The following PXDNL variants were observed in gnomAD, a reference collection of about 807,000 sequenced individuals.
The protein encoded by PXDNL is probable oxidoreductase PXDNL.
A neutral mutation model predicts 150.8 loss-of-function variants in PXDNL; 145 were observed. The observed-to-expected ratio is 0.96, with a 90% CI of 0.84 to 1.10. The LOEUF (loss-of-function observed/expected upper bound fraction) is 1.10. Ranked by LOEUF, PXDNL falls within the 50% of genes least tolerant of loss-of-function variation. The probability of loss-of-function intolerance (pLI) is 0.00; values close to 1 mark genes in which losing one functional copy is unlikely to be tolerated. For synonymous variants in PXDNL, 757 were observed against 725.7 expected (o/e 1.04, Z -0.69); for missense variants, 2,087 against 1,873.9 (o/e 1.11, Z -2.10).
chr8:51,781,248 C>T (rs927728611), intron 1 of PXDNL, among the ~76,000 whole-genome samples: 3 of 152,094 alleles, frequency 2.0e-5, no homozygotes, highest in Non-Finnish European at 2.9e-5. Context: ...AGTGAAAAAG[C>T]GGAGAGGAAG....
intron 1 of PXDNL, among the ~76,000 whole-genome samples, chr8:51,739,068 A>C: frequency 6.6e-6 from 1 of 152,226 alleles, no homozygotes; most frequent in East Asian, 1.9e-4. Context: ...ATTTATTTCA[A>C]GTGCACAGGC....
intron 20 of PXDNL, among the ~76,000 whole-genome samples, chr8:51,342,413 T>A (rs1806014682): frequency 6.6e-6 from 1 of 152,030 alleles, no homozygotes; most frequent in Non-Finnish European, 1.5e-5. Context: ...TAGAAAAAAA[T>A]TGTTTAAGCA....
intron 21 of PXDNL, among the ~76,000 whole-genome samples, chr8:51,328,698 T>G (rs926622384): frequency 6.6e-6 from 1 of 151,994 alleles, no homozygotes; most frequent in Non-Finnish European, 1.5e-5. Flanking sequence ...CAGGGCAATA[T>G]AAAAAATGTG....
chr8:51,329,653 A>G (rs1464697087), intron 21 of PXDNL, among the ~76,000 whole-genome samples: 1 of 152,254 alleles, frequency 6.6e-6, no homozygotes, highest in Non-Finnish European at 1.5e-5. Context: ...GGCAACATTC[A>G]GGAAAACATG....
chr8:51,368,819 A>T (rs1282010493), intron 19 of PXDNL, among the ~76,000 whole-genome samples: 1 of 152,018 alleles, frequency 6.6e-6, no homozygotes, highest in Non-Finnish European at 1.5e-5. Context: ...AACATGGTGA[A>T]ACCCTGTCTC....
chr8:51,475,488 G>A (rs1414119299), intron 6 of PXDNL, among the ~76,000 whole-genome samples: 1 of 152,124 alleles, frequency 6.6e-6, no homozygotes, highest in Non-Finnish European at 1.5e-5. Context: ...GTATGGCCAG[G>A]TGCAGTAGCT....
chr8:51,568,048 TTCTA>T (rs1257540397), intron 3 of PXDNL, among the ~76,000 whole-genome samples: 1 of 151,812 alleles, frequency 6.6e-6, no homozygotes, highest in Non-Finnish European at 1.5e-5. Flanking sequence ...AATTTCTTTT[TTCTA>T]TCCCTTTTAA....
chr8:51,563,475 C>T (rs531474415), intron 3 of PXDNL, among the ~76,000 whole-genome samples: 1 of 151,960 alleles, frequency 6.6e-6, no homozygotes, highest in African/African-American at 2.4e-5. Flanking sequence ...TACCATCACA[C>T]TGGGTCTTAG....
At chr8:51,627,400 T>C (rs1191752604) in intron 2 of PXDNL, among the ~76,000 whole-genome samples, 2 of 152,200 alleles carry the variant, frequency 1.3e-5, no homozygotes, top group Non-Finnish European at 2.9e-5. Flanking sequence ...AATCTTAACC[T>C]TCATTAGGCA....
chr8:51,388,369 T>C (rs1348783581), intron 17 of PXDNL, among the ~76,000 whole-genome samples: 1 of 152,210 alleles, frequency 6.6e-6, no homozygotes, highest in Non-Finnish European at 1.5e-5. Context: ...TTTTCAACTT[T>C]TTACTTTATT....
intron 1 of PXDNL, among the ~76,000 whole-genome samples, chr8:51,767,135 A>T (rs949058993): frequency 6.6e-6 from 1 of 151,996 alleles, no homozygotes; most frequent in African/African-American, 2.4e-5. Context: ...AGCTGATTTA[A>T]AATCTTTATC....
intron 5 of PXDNL, among the ~76,000 whole-genome samples, chr8:51,493,326 T>C (rs1021943572): frequency 1.6e-5 from 2 of 126,070 alleles, no homozygotes; most frequent in Non-Finnish European, 3.2e-5. Flanking sequence ...ACCACAAAGA[T>C]GGGGAAAAAA....
At chr8:51,504,292 A>G (rs924027909) in intron 4 of PXDNL, among the ~76,000 whole-genome samples, 2 of 152,128 alleles carry the variant, frequency 1.3e-5, no homozygotes, top group Non-Finnish European at 2.9e-5. Flanking sequence ...TAAAGACAGA[A>G]TTTTTTCAAC....
At chr8:51,452,178 T>A (rs1809821902) in intron 10 of PXDNL, among the ~76,000 whole-genome samples, 1 of 152,204 alleles carries the variant, frequency 6.6e-6, no homozygotes, top group South Asian at 2.1e-4. Context: ...GGCGTTAGGT[T>A]TCTAAAAAAC....
chr8:51,391,640 CCT>C (rs1323195664), intron 17 of PXDNL, among the ~76,000 whole-genome samples: 1 of 151,938 alleles, frequency 6.6e-6, no homozygotes, highest in African/African-American at 2.4e-5. Flanking sequence ...GGATATTGGC[CCT>C]CTGTCAGATG....
At chr8:51,678,589 T>G (rs377013788) in intron 1 of PXDNL, among the ~76,000 whole-genome samples, 1 of 146,570 alleles carries the variant, frequency 6.8e-6, no homozygotes, top group Non-Finnish European at 1.5e-5. Context: ...AAATTGGAAA[T>G]CATCATTCTC....
chr8:51,424,364 A>G (rs553943837), intron 13 of PXDNL, among the ~76,000 whole-genome samples: 12 of 152,302 alleles, frequency 7.9e-5, no homozygotes, highest in Non-Finnish European at 1.3e-4. Flanking sequence ...GCAAGATCCC[A>G]TATCTAAAAT....
intron 1 of PXDNL, among the ~76,000 whole-genome samples, chr8:51,684,702 AG>A (rs557546399): frequency 1.6e-4 from 24 of 152,202 alleles, no homozygotes; most frequent in Non-Finnish European, 3.4e-4. Flanking sequence ...TCAGAGGAAA[AG>A]TCAGTGATTG....
chr8:51,566,842 G>A (rs1342044742), intron 3 of PXDNL, among the ~76,000 whole-genome samples: 1 of 150,044 alleles, frequency 6.7e-6, no homozygotes, highest in East Asian at 2.0e-4. Context: ...ATTTTATATT[G>A]CTTTTTTTTC....
Sources: allele counts gnomAD v4.1 joint callset (sites outside exome capture counted in the v4.1 genomes callset), GRCh38; gene constraint gnomAD v4.1.1; transcripts MANE v1.5; gene names NCBI Gene and HGNC (gene_info 2026-07-23, HGNC 2026-07-21).